ENOX1: variants seen among roughly 807,000 people sequenced by gnomAD.
The protein encoded by ENOX1 is candidate growth-related and time keeping constitutive hydroquinone (NADH) oxidase.
ENOX1 carries 42 observed loss-of-function variants against 82.5 expected under a neutral mutation model. That is an observed-to-expected ratio of 0.51 (90% confidence interval 0.40 to 0.66). The LOEUF (loss-of-function observed/expected upper bound fraction) is 0.66, where lower values mean the gene tolerates loss of function less well. Among genes scored for constraint, ENOX1 ranks in the 30% least tolerant of loss-of-function variants. The pLI, the probability that ENOX1 is intolerant of heterozygous loss-of-function variation, is 0.00. For missense variants in ENOX1, 608 were observed against 811.6 expected, an observed-to-expected ratio of 0.75 and a Z score of 3.05; for synonymous variants, 271 against 282.2, an observed-to-expected ratio of 0.96 and a Z score of 0.40.
chr13:43,279,374 TCTC>T (rs2045244457), intron 12 of ENOX1, among the ~76,000 whole-genome samples: 2 of 152,308 alleles, frequency 1.3e-5, no homozygotes, highest in East Asian at 3.9e-4. Flanking sequence ...ACTGCTCTGG[TCTC>T]CTCTTTTCCC....
At position 43,296,079 on chromosome 13, in the gene ENOX1, C is replaced by G. The variant is rs376461981; in HGVS notation, c.1446+2267G>C. On this transcript the variant is annotated intron_variant, in intron 12 of 16. Coordinates refer to ENST00000690772, the MANE Select transcript of ENOX1 (RefSeq NM_001347969.2). The stretch of plus-strand genomic sequence containing the variant: ...GCTAGGCTTGCCTCCAGGTCTTTGT[C>G]TATTCATTCCCTCATTTGACACAGA... Among the ~76,000 whole-genome samples, 130 of 152,268 alleles carry G rather than the reference C, an allele frequency of 8.5e-4. 1 individual carries two copies. The highest frequency in any genetic ancestry group is 3.0e-3 in the African/African-American group (126 of 41,562).
At chr13:43,285,402 G>T (rs767353238) in intron 12 of ENOX1, among the ~76,000 whole-genome samples, 2 of 152,014 alleles carry the variant, frequency 1.3e-5, no homozygotes, top group Non-Finnish European at 2.9e-5. Context: ...CTTTTATATG[G>T]TTCTTTTATG....
At chr13:43,567,777 T>TG (rs1206774386) in intron 2 of ENOX1, among the ~76,000 whole-genome samples, 1 of 152,176 alleles carries the variant, frequency 6.6e-6, no homozygotes, top group African/African-American at 2.4e-5. Context: ...CCTGATAACA[T>TG]GAGTCAGGAT....
chr13:43,577,935 A>G (rs2080517717), intron 2 of ENOX1, among the ~76,000 whole-genome samples: 1 of 152,190 alleles, frequency 6.6e-6, no homozygotes, highest in Non-Finnish European at 1.5e-5. Context: ...ATAATTACCC[A>G]GAGTCACAGA....
At chr13:43,489,032 GA>G (rs1213459518) in intron 2 of ENOX1, among the ~76,000 whole-genome samples, 6 of 152,080 alleles carry the variant, frequency 3.9e-5, no homozygotes, top group African/African-American at 1.4e-4. Context: ...GTTTAGAAGA[GA>G]AAACCAAGTG....
At chr13:43,431,311 G>GC (rs1325538400) in intron 3 of ENOX1, among the ~76,000 whole-genome samples, 3 of 152,096 alleles carry the variant, frequency 2.0e-5, no homozygotes, top group African/African-American at 7.2e-5. Context: ...CTTGAGCCTA[G>GC]CAAGTGTGAT....
chr13:43,615,197 T>C (rs550542860), intron 2 of ENOX1, among the ~76,000 whole-genome samples: 2 of 152,334 alleles, frequency 1.3e-5, no homozygotes, highest in South Asian at 4.1e-4. Context: ...GCTTAAGGAA[T>C]CTTCAGCAGT....
chr13:43,649,865 G>A (rs2153775554), intron 2 of ENOX1, among the ~76,000 whole-genome samples: 1 of 152,238 alleles, frequency 6.6e-6, no homozygotes, highest in East Asian at 1.9e-4. Context: ...CTCCAAGCAT[G>A]GACTAACAAG....
chr13:43,727,307 G>T (rs6561143), intron 1 of ENOX1, among the ~76,000 whole-genome samples: 14,247 of 152,158 alleles, frequency 0.094, 1,089 homozygotes, highest in East Asian at 0.27. Context: ...CAGCAATAAT[G>T]GGTCCCCTCC....
At chr13:43,322,329 A>C in intron 11 of ENOX1, 55 bp downstream of exon 11, 2 of 1,378,852 alleles carry the variant, frequency 1.5e-6, no homozygotes, top group South Asian at 2.5e-5. Flanking sequence ...TCCCCATCTG[A>C]GATTTGGAAG....
At chr13:43,492,252 A>C (rs969470811) in intron 2 of ENOX1, among the ~76,000 whole-genome samples, 11 of 152,320 alleles carry the variant, frequency 7.2e-5, no homozygotes, top group African/African-American at 2.6e-4. Flanking sequence ...ATTCTGCCCC[A>C]GTTGAGCAGA....
chr13:43,688,401 A>G (rs2086184066), intron 1 of ENOX1, among the ~76,000 whole-genome samples: 1 of 152,192 alleles, frequency 6.6e-6, no homozygotes, highest in Non-Finnish European at 1.5e-5. Context: ...ACTAGACAGA[A>G]TTAGCAGGCC....
chr13:43,669,731 A>G (rs529935763), intron 1 of ENOX1, among the ~76,000 whole-genome samples: 88 of 152,292 alleles, frequency 5.8e-4, no homozygotes, highest in African/African-American at 2.0e-3. Context: ...AAATGATAGG[A>G]AAATTGCTCG....
chr13:43,520,364 C>T (rs9316032), intron 2 of ENOX1, among the ~76,000 whole-genome samples: 25 of 151,900 alleles, frequency 1.6e-4, no homozygotes, highest in African/African-American at 3.1e-4. Context: ...CACACACACA[C>T]GGTATCTTGA....
intron 1 of ENOX1, among the ~76,000 whole-genome samples, chr13:43,771,933 A>ATTTTTTTTTTTT (rs34718451): frequency 1.3e-3 from 132 of 100,960 alleles, no homozygotes; most frequent in East Asian, 4.2e-3. Context: ...CGCCCGGCTA[A>ATTTTTTTTTTTT]TTTTTTTTTT....
chr13:43,574,529 T>C (rs533205054), intron 2 of ENOX1, among the ~76,000 whole-genome samples: 132 of 152,360 alleles, frequency 8.7e-4, no homozygotes, highest in Non-Finnish European at 1.4e-3. Context: ...AGGACATTAA[T>C]GGAAATGATT....
chr13:43,613,937 A>AT (rs1291923333), intron 2 of ENOX1, among the ~76,000 whole-genome samples: 247 of 149,624 alleles, frequency 1.7e-3, no homozygotes, highest in African/African-American at 5.6e-3. Context: ...CTCTCAAAAA[A>AT]AAAATAAATA....
At chr13:43,574,303 A>G (rs2080316742) in intron 2 of ENOX1, among the ~76,000 whole-genome samples, 1 of 152,164 alleles carries the variant, frequency 6.6e-6, no homozygotes, top group African/African-American at 2.4e-5. Context: ...CATGGGTCCT[A>G]AAAGGTTATA....
intron 2 of ENOX1, among the ~76,000 whole-genome samples, chr13:43,558,192 T>G (rs1225179897): frequency 6.6e-6 from 1 of 152,194 alleles, no homozygotes; most frequent in African/African-American, 2.4e-5. Flanking sequence ...GACACATCTT[T>G]ACTAGGGAAC....
Sources: gnomAD v4.1 joint callset for allele counts (sites outside exome capture counted in the v4.1 genomes callset) on GRCh38, gnomAD v4.1.1 for gene constraint, MANE v1.5 for transcripts, NCBI Gene and HGNC (gene_info 2026-07-23, HGNC 2026-07-21) for gene names.